SLC16A12: variants seen among roughly 807,000 people sequenced by gnomAD.
The protein encoded by SLC16A12 is monocarboxylate transporter 12.
SLC16A12 carries 17 observed loss-of-function variants against 42.4 expected under a neutral mutation model. The observed-to-expected ratio is 0.40, with a 90% confidence interval of 0.27 to 0.60. The LOEUF is 0.60. SLC16A12 is among the 20% of genes least tolerant of loss of function. The pLI is 0.42. For missense variants in SLC16A12, 544 were observed against 623.0 expected, an observed-to-expected ratio of 0.87 and a Z score of 1.35; for synonymous variants, 224 against 229.4, an observed-to-expected ratio of 0.98 and a Z score of 0.21.
chr10:89,454,347 C>T (rs11593758), intron 3 of SLC16A12, among the ~76,000 whole-genome samples: 21,306 of 152,000 alleles, frequency 0.14, 2,118 homozygotes, highest in East Asian at 0.21. Context: ...TCTCTAACCC[C>T]CTTACCATTC....
At chr10:89,441,462 C>G (rs1350707967) in intron 4 of SLC16A12, among the ~76,000 whole-genome samples, 2 of 152,170 alleles carry the variant, frequency 1.3e-5, no homozygotes, top group Non-Finnish European at 2.9e-5. Flanking sequence ...ACTCAAGTCT[C>G]CTGACCTGCA....
At position 89,449,164 on chromosome 10, in the gene SLC16A12, T is replaced by G. The variant is rs185142950; in HGVS notation, c.201-5305A>C. On this transcript the variant is annotated intron_variant, in intron 3 of 7. Transcript: ENST00000371790. Reference sequence around the variant, plus strand: ...TCGTGGATAGAAAGAATCAATAACTTGAAAATGGCCATACTGCCTGAAGTA... The same window carrying G: ...TCGTGGATAGAAAGAATCAATAACTGGAAAATGGCCATACTGCCTGAAGTA... 4.6e-5 allele frequency among the ~76,000 whole-genome samples: 7 copies of G among 152,282 alleles called. No homozygotes were observed. The East Asian group carries it at 1.3e-3, about 29-fold the overall frequency.
chr10:89,553,422 T>G (rs1476784523), intron 2 of SLC16A12, among the ~76,000 whole-genome samples: 1 of 152,226 alleles, frequency 6.6e-6, no homozygotes, highest in Non-Finnish European at 1.5e-5. Flanking sequence ...TTAAATCATC[T>G]CAGCACAAAT....
chr10:89,481,527 C>T (rs1035581247), intron 2 of SLC16A12, among the ~76,000 whole-genome samples: 5 of 151,952 alleles, frequency 3.3e-5, no homozygotes, highest in Non-Finnish European at 5.9e-5. Flanking sequence ...AAAAGTTTCC[C>T]CCTCACTTTT....
Position 89,518,802 on chromosome 10 carries a change from G to A in SLC16A12, c.-47+15699C>T, listed in dbSNP as rs757609352. On this transcript the variant is annotated intron_variant, in intron 2 of 7. Transcript: ENST00000371790. ...CACCTACCCAACAATCCTGGCCACA[G>A]TTTTGGTCACTGCTGGTGGACCCTT... is the stretch of plus-strand genomic sequence containing the variant. Among the ~76,000 whole-genome samples the A allele has an allele frequency of 3.9e-5, 6 of 152,250 alleles. No homozygotes were observed. In the South Asian group the frequency reaches 1.0e-3, roughly 26 times the overall value.
At chr10:89,459,367 T>A (rs1265680296) in intron 3 of SLC16A12, among the ~76,000 whole-genome samples, 1 of 151,996 alleles carries the variant, frequency 6.6e-6, no homozygotes, top group Non-Finnish European at 1.5e-5. Flanking sequence ...AAGGATAAGC[T>A]GCAGAGTTTG....
intron 3 of SLC16A12, among the ~76,000 whole-genome samples, chr10:89,455,099 T>A (rs1385122244): frequency 6.6e-6 from 1 of 152,032 alleles, no homozygotes; most frequent in Non-Finnish European, 1.5e-5. Flanking sequence ...GGTAGCTATA[T>A]AGGAACATGT....
chr10:89,505,859 C>T lies in SLC16A12; in HGVS notation c.-47+28642G>A, dbSNP rs190601823. Among the ~76,000 whole-genome samples the T allele has an allele frequency of 2.1e-3, 314 of 152,320 alleles. 1 individual carries two copies. Among genetic ancestry groups the T allele is most frequent in the African/African-American group, 7.1e-3 (297 of 41,576 alleles). On this transcript the variant is annotated intron_variant, in intron 2 of 7. Transcript: ENST00000371790. Reference sequence around the variant, plus strand: ...CTTGAAATTCTCGTGGCTAGCGCAGCAGTCTGAGATCGACTTGGGATGCTG... The same window carrying T: ...CTTGAAATTCTCGTGGCTAGCGCAGTAGTCTGAGATCGACTTGGGATGCTG...
chr10:89,541,980 A>G (rs1843718271), intron 2 of SLC16A12, among the ~76,000 whole-genome samples: 1 of 152,138 alleles, frequency 6.6e-6, no homozygotes, highest in Non-Finnish European at 1.5e-5. Context: ...GAGGAAATTT[A>G]TTGATATTTT....
chr10:89,495,287 G>A (rs1460099085), intron 2 of SLC16A12, among the ~76,000 whole-genome samples: 1 of 152,070 alleles, frequency 6.6e-6, no homozygotes, highest in Non-Finnish European at 1.5e-5. Flanking sequence ...CTAGGAGGCG[G>A]AGGTTGCAGT....
intron 2 of SLC16A12, among the ~76,000 whole-genome samples, chr10:89,552,273 A>G (rs962148465): frequency 6.6e-6 from 1 of 152,230 alleles, no homozygotes; most frequent in Non-Finnish European, 1.5e-5. Flanking sequence ...AAGTACAAAG[A>G]TATCACAAGA....
chr10:89,517,821 A>G (rs1843279668), intron 2 of SLC16A12, among the ~76,000 whole-genome samples: 1 of 152,178 alleles, frequency 6.6e-6, no homozygotes, highest in Non-Finnish European at 1.5e-5. Flanking sequence ...CCATATTCCA[A>G]CAGTCCTAGA....
At chr10:89,509,499 A>G (rs1031977387) in intron 2 of SLC16A12, among the ~76,000 whole-genome samples, 4 of 152,244 alleles carry the variant, frequency 2.6e-5, no homozygotes, top group African/African-American at 7.2e-5. Context: ...AAACTACATT[A>G]TCTTGATATT....
chr10:89,459,516 A>ATGTGTGTG (rs58259835), intron 3 of SLC16A12, among the ~76,000 whole-genome samples: 1,983 of 149,720 alleles, frequency 0.013, 42 homozygotes, highest in African/African-American at 0.044. Flanking sequence ...TTCTGTGTTT[A>ATGTGTGTG]TGTGTGTGTG....
intron 2 of SLC16A12, among the ~76,000 whole-genome samples, chr10:89,463,949 GT>G (rs1842348655): frequency 6.6e-6 from 1 of 152,138 alleles, no homozygotes; most frequent in Non-Finnish European, 1.5e-5. Flanking sequence ...GGAGGGACCT[GT>G]GACTTGCTTC....
intron 3 of SLC16A12, chr10:89,456,242 G>A (rs1156314481): frequency 2.6e-5 from 4 of 152,166 alleles, no homozygotes; most frequent in Admixed American, 2.0e-4. Context: ...ATGCCAACAT[G>A]CACAATGTAA....
chr10:89,554,727 C>A (rs1843798799), intron 2 of SLC16A12, among the ~76,000 whole-genome samples: 1 of 152,156 alleles, frequency 6.6e-6, no homozygotes, highest in African/African-American at 2.4e-5. Context: ...GTAGCCTGAG[C>A]TGATGAGATG....
intron 2 of SLC16A12, among the ~76,000 whole-genome samples, chr10:89,546,998 A>G (rs1435049017): frequency 6.6e-6 from 1 of 152,212 alleles, no homozygotes; most frequent in African/African-American, 2.4e-5. Context: ...ACACATGGAC[A>G]CAGGGAGGGG....
chr10:89,536,350 A>G (rs1347265074), upstream of SLC16A12, among the ~76,000 whole-genome samples: 1 of 152,098 alleles, frequency 6.6e-6, no homozygotes. Flanking sequence ...TTGGAGTCAA[A>G]AGGACCTGGG....
Sources: gnomAD v4.1 joint callset for allele counts (sites outside exome capture counted in the v4.1 genomes callset) on GRCh38, gnomAD v4.1.1 for gene constraint, MANE v1.5 for transcripts, NCBI Gene and HGNC (gene_info 2026-07-23, HGNC 2026-07-21) for gene names.